Variants in MICAL3 observed in about 807,000 individuals in gnomAD.
MICAL3 encodes [F-actin]-monooxygenase MICAL3.
In MICAL3, 62 loss-of-function variants were observed where a neutral mutation model predicts 207.4. The observed-to-expected ratio is 0.30, with a 90% CI of 0.24 to 0.37. MICAL3 has a LOEUF of 0.37. Among genes scored for constraint, MICAL3 ranks in the 10% least tolerant of loss-of-function variants. The pLI is 1.00. For missense variants in MICAL3, 2,368 were observed against 2,635.6 expected (o/e 0.90, Z 2.22); for synonymous variants, 1,077 against 1,069.3 (o/e 1.01, Z -0.14).
intron 1 of MICAL3, among the ~76,000 whole-genome samples, chr22:17,989,529 C>A (rs979861981): frequency 1.3e-5 from 2 of 152,122 alleles, no homozygotes; most frequent in African/African-American, 4.8e-5. Context: ...AGGCTGGCCT[C>A]CTCGCTGCCC....
intron 28 of MICAL3, among the ~76,000 whole-genome samples, chr22:17,809,852 G>A (rs529828566): frequency 6.2e-4 from 95 of 152,066 alleles, no homozygotes; most frequent in African/African-American, 2.2e-3. Flanking sequence ...TACAACAAGG[G>A]ATTCGGGAAA....
intron 1 of MICAL3, among the ~76,000 whole-genome samples, chr22:18,016,138 C>G (rs1474991736): frequency 6.6e-6 from 1 of 152,060 alleles, no homozygotes; most frequent in South Asian, 2.1e-4. Flanking sequence ...TATAATGCAA[C>G]CCACAATAAA....
intron 20 of MICAL3, among the ~76,000 whole-genome samples, chr22:17,839,258 ATT>A (rs58568915): frequency 9.1e-5 from 10 of 110,374 alleles, no homozygotes; most frequent in Admixed American, 9.6e-5. Flanking sequence ...CGGGCTCTTC[ATT>A]TTTTTTTTTT....
At chr22:17,876,825 G>A (rs1200763016) in intron 16 of MICAL3, 11 of 123,886 alleles carry the variant, frequency 8.9e-5, no homozygotes, top group East Asian at 2.4e-4. Context: ...GGTTAGGGAG[G>A]TTATGGAGGT....
At chr22:17,798,085 C>T (rs1444903431) in intron 29 of MICAL3, among the ~76,000 whole-genome samples, 3 of 152,236 alleles carry the variant, frequency 2.0e-5, no homozygotes, top group African/African-American at 7.2e-5. Context: ...TGCATTTCCC[C>T]AGGGAACACG....
At position 17,921,058 on chromosome 22, in the gene MICAL3, T is replaced by G. The variant is rs1294187316; in HGVS notation, c.-74-14172A>C. Among the ~76,000 whole-genome samples, 11 of 152,138 alleles carry G rather than the reference T, an allele frequency of 7.2e-5. No homozygotes were observed. In the East Asian group the frequency reaches 2.1e-3, roughly 29 times the overall value. On this transcript the variant is annotated intron_variant, in intron 1 of 31. Coordinates refer to ENST00000441493, the MANE Select transcript of MICAL3 (RefSeq NM_015241.3). ...GAAATTCCTTGTGGGCCCCAAGATC[T>G]TTACCCTAAAGCATTTCTGTTAAAA... is the stretch of plus-strand genomic sequence containing the variant.
At chr22:17,804,856 C>G (rs2061974491) in intron 29 of MICAL3, among the ~76,000 whole-genome samples, 1 of 152,204 alleles carries the variant, frequency 6.6e-6, no homozygotes, top group South Asian at 2.1e-4. Context: ...CCCAGTTTTT[C>G]AATGCATGCT....
chr22:17,863,741 G>C (rs1457594167), intron 19 of MICAL3: 8 of 985,274 alleles, frequency 8.1e-6, no homozygotes, highest in East Asian at 1.1e-4. Context: ...AGCACCACAA[G>C]GCCTACATGA....
At chr22:17,915,144 C>G (rs140347864) in intron 1 of MICAL3, among the ~76,000 whole-genome samples, 9 of 152,232 alleles carry the variant, frequency 5.9e-5, no homozygotes, top group African/African-American at 1.7e-4. Flanking sequence ...GGAATCCAAT[C>G]TATAACGTCG....
At chr22:17,864,546 C>T (rs1432306982) in intron 19 of MICAL3, 39 of 1,441,856 alleles carry the variant, frequency 2.7e-5, no homozygotes, top group Non-Finnish European at 3.4e-5. Flanking sequence ...TGAGCGCCTG[C>T]GAGCTCCTGT....
At chr22:17,843,658 C>G (rs555708000) in intron 19 of MICAL3, among the ~76,000 whole-genome samples, 2 of 152,234 alleles carry the variant, frequency 1.3e-5, no homozygotes, top group Non-Finnish European at 2.9e-5. Flanking sequence ...TCCTCTTCCA[C>G]TTAACGCCTG....
At chr22:17,864,766 T>C (rs1313458480) in intron 19 of MICAL3, 133 bp downstream of exon 19, 2 of 1,613,550 alleles carry the variant, frequency 1.2e-6, no homozygotes, top group African/African-American at 2.7e-5. Context: ...GAAAAAGGAG[T>C]CCAGAGGGTT....
At chr22:17,870,716 A>C (rs1349749661) in intron 17 of MICAL3, among the ~76,000 whole-genome samples, 1 of 152,204 alleles carries the variant, frequency 6.6e-6, no homozygotes, top group African/African-American at 2.4e-5. Context: ...GAGGTGGAAC[A>C]GAAGACTTGA....
intron 1 of MICAL3, among the ~76,000 whole-genome samples, chr22:17,974,061 T>C (rs975877448): frequency 2.0e-5 from 3 of 152,322 alleles, no homozygotes; most frequent in South Asian, 2.1e-4. Context: ...CTCTGGGCCA[T>C]GGTTTATGTG....
chr22:17,861,312 CAG>C (rs3078898), intron 19 of MICAL3: 26,243 of 985,356 alleles, frequency 0.027, 719 homozygotes, highest in Admixed American at 0.16. Context: ...TGTCTGGGGA[CAG>C]GGGTCAGGCA....
At chr22:17,901,077 T>C (rs1931280824) in intron 5 of MICAL3, 80 bp from the exon 6 acceptor site, 3 of 1,392,150 alleles carry the variant, frequency 2.2e-6, no homozygotes, top group Admixed American at 1.7e-5. Flanking sequence ...GGGGTGCTGA[T>C]AAAGACAACA....
intron 1 of MICAL3, 121 bp from the exon 2 acceptor site, chr22:17,907,007 C>A: frequency 3.7e-6 from 2 of 536,942 alleles, no homozygotes; most frequent in Non-Finnish European, 6.5e-6. Flanking sequence ...TAAGTGTGGA[C>A]TGCACACCTG....
At chr22:17,853,882 G>A (rs747531573) in intron 19 of MICAL3, among the ~76,000 whole-genome samples, 5 of 152,192 alleles carry the variant, frequency 3.3e-5, no homozygotes, top group South Asian at 2.1e-4. Context: ...GCACCCGCCC[G>A]TCCTATGGCA....
chr22:17,970,222 G>A (rs1037793163), intron 1 of MICAL3, among the ~76,000 whole-genome samples: 13 of 152,204 alleles, frequency 8.5e-5, no homozygotes, highest in Non-Finnish European at 1.8e-4. Flanking sequence ...CCCCTCCACT[G>A]TCCCCCGCCC....
Sources: gnomAD v4.1 joint callset for allele counts (sites outside exome capture counted in the v4.1 genomes callset) on GRCh38, gnomAD v4.1.1 for gene constraint, MANE v1.5 for transcripts, NCBI Gene and HGNC (gene_info 2026-07-23, HGNC 2026-07-21) for gene names.